Variants in ADGRL3 observed in about 807,000 individuals in gnomAD.
ADGRL3 encodes adhesion G protein-coupled receptor L3.
In ADGRL3, 62 loss-of-function variants were observed where a neutral mutation model predicts 153.5. The observed-to-expected ratio is 0.40, with a 90% confidence interval of 0.33 to 0.50. ADGRL3 has a LOEUF of 0.50. ADGRL3 is among the 20% of genes least tolerant of loss of function. The probability of loss-of-function intolerance (pLI) is 0.47; values close to 1 mark genes in which losing one functional copy is unlikely to be tolerated. For synonymous variants in ADGRL3, 710 were observed against 672.5 expected (o/e 1.06, Z -0.86); for missense variants, 1,641 against 1,859.4 (o/e 0.88, Z 2.16).
At chr4:62,060,852 A>G (rs939446951) in intron 25 of ADGRL3, among the ~76,000 whole-genome samples, 1 of 151,940 alleles carries the variant, frequency 6.6e-6, no homozygotes, top group African/African-American at 2.4e-5. Context: ...CTGCCATTGC[A>G]CTATGTAAGA....
chr4:61,565,355 T>C (rs965043182), intron 4 of ADGRL3, among the ~76,000 whole-genome samples: 5 of 152,202 alleles, frequency 3.3e-5, no homozygotes, highest in African/African-American at 9.7e-5. Context: ...TTTATATTAA[T>C]GTTTTGAAGG....
chr4:61,425,113 A>G (rs2097260355), intron 2 of ADGRL3, among the ~76,000 whole-genome samples: 1 of 152,080 alleles, frequency 6.6e-6, no homozygotes, highest in African/African-American at 2.4e-5. Context: ...GTGGTGATAT[A>G]TGTTATATTT....
intron 1 of ADGRL3, among the ~76,000 whole-genome samples, chr4:61,359,986 G>A (rs2096258592): frequency 6.6e-6 from 1 of 152,126 alleles, no homozygotes; most frequent in Admixed American, 6.5e-5. Context: ...ATTATCTGTA[G>A]TATTAATTTT....
intron 6 of ADGRL3, among the ~76,000 whole-genome samples, chr4:61,700,129 A>G (rs1271916142): frequency 6.6e-6 from 1 of 151,842 alleles, no homozygotes; most frequent in Non-Finnish European, 1.5e-5. Context: ...AAATACACTT[A>G]ACAAATTCAA....
chr4:61,696,927 T>A (rs1036051688), intron 6 of ADGRL3, among the ~76,000 whole-genome samples: 2 of 152,094 alleles, frequency 1.3e-5, no homozygotes, highest in Non-Finnish European at 2.9e-5. Flanking sequence ...TCTGCCAGCC[T>A]CAGCCTCCTA....
Position 61,301,121 on chromosome 4 carries a change from A to G in ADGRL3, c.-239-82003A>G, listed in dbSNP as rs139020377. On this transcript the variant is annotated intron_variant, in intron 1 of 26. Coordinates refer to ENST00000683033, the MANE Select transcript of ADGRL3 (RefSeq NM_001387552.1). ...ATTGCTTAAGAAAGATTTGGAAGTCATTGATAAAGCTGCAGATTATGGTCT... is the reference window on the plus strand; with the variant it reads ...ATTGCTTAAGAAAGATTTGGAAGTCGTTGATAAAGCTGCAGATTATGGTCT... Among the ~76,000 whole-genome samples the G allele has an allele frequency of 8.6e-3, 1,305 of 152,306 alleles. 10 individuals carry two copies. Among genetic ancestry groups the G allele is most frequent in the South Asian group, 0.02 (97 of 4,826 alleles).
chr4:61,367,391 C>G (rs1405661641), intron 1 of ADGRL3, among the ~76,000 whole-genome samples: 3 of 151,848 alleles, frequency 2.0e-5, no homozygotes, highest in Non-Finnish European at 2.9e-5. Context: ...TCCCCACTCC[C>G]CCCACCCCAC....
chr4:61,947,230 A>G (rs2098928719), intron 16 of ADGRL3, 108 bp downstream of exon 16: 1 of 873,464 alleles, frequency 1.1e-6, no homozygotes, highest in Non-Finnish European at 1.7e-6. Context: ...TTGACATATA[A>G]CAGTTCATTA....
At chr4:61,898,836 C>T (rs536994288) in intron 11 of ADGRL3, among the ~76,000 whole-genome samples, 45 of 152,178 alleles carry the variant, frequency 3.0e-4, no homozygotes, top group African/African-American at 1.0e-3. Flanking sequence ...AGGCGGGTCT[C>T]AAACTCCTGA....
At chr4:61,743,552 AT>A (rs1328731445) in intron 8 of ADGRL3, among the ~76,000 whole-genome samples, 1 of 152,196 alleles carries the variant, frequency 6.6e-6, no homozygotes, top group Non-Finnish European at 1.5e-5. Context: ...GAAATAGATT[AT>A]TTTTAAAACA....
intron 6 of ADGRL3, among the ~76,000 whole-genome samples, chr4:61,708,622 A>G (rs2095899368): frequency 6.6e-6 from 1 of 151,980 alleles, no homozygotes; most frequent in African/African-American, 2.4e-5. Context: ...AATGTGTGCT[A>G]TGGGTTTACT....
chr4:61,668,541 A>C (rs1281094315), intron 5 of ADGRL3, among the ~76,000 whole-genome samples: 1 of 152,202 alleles, frequency 6.6e-6, no homozygotes, highest in East Asian at 1.9e-4. Flanking sequence ...GATTCAAATT[A>C]TATTTCTTTA....
intron 5 of ADGRL3, among the ~76,000 whole-genome samples, chr4:61,626,679 A>G (rs2149938178): frequency 6.6e-6 from 1 of 152,258 alleles, no homozygotes; most frequent in African/African-American, 2.4e-5. Flanking sequence ...CTGATGAAAG[A>G]ACCTAGTTTT....
At chr4:61,791,399 A>G (rs1310406883) in intron 8 of ADGRL3, among the ~76,000 whole-genome samples, 2 of 152,230 alleles carry the variant, frequency 1.3e-5, no homozygotes, top group Admixed American at 6.5e-5. Context: ...CTTTGACTCC[A>G]TGTCTCACAT....
At chr4:61,473,209 TTGTGTGTGTGTGTGTGTGTG>T (rs35633555) in intron 2 of ADGRL3, among the ~76,000 whole-genome samples, 1 of 149,120 alleles carries the variant, frequency 6.7e-6, no homozygotes, top group Non-Finnish European at 1.5e-5. Context: ...TTGTATGTGT[TTGTGTGTGTGTGTGTGTGTG>T]TGTGTGTGTG....
intron 24 of ADGRL3, among the ~76,000 whole-genome samples, chr4:62,040,002 A>C (rs1033728799): frequency 4.6e-5 from 7 of 152,170 alleles, no homozygotes; most frequent in African/African-American, 1.7e-4. Flanking sequence ...AAGGCAGTGC[A>C]GCTCAATGGA....
At chr4:61,869,546 C>T (rs1006329518) in intron 9 of ADGRL3, among the ~76,000 whole-genome samples, 1 of 151,640 alleles carries the variant, frequency 6.6e-6, no homozygotes, top group African/African-American at 2.4e-5. Flanking sequence ...TGCAGTGAGC[C>T]GAGATTGCGC....
intron 18 of ADGRL3, among the ~76,000 whole-genome samples, chr4:61,980,122 A>C (rs750151597): frequency 2.6e-5 from 4 of 152,070 alleles, no homozygotes; most frequent in Non-Finnish European, 4.4e-5. Flanking sequence ...AGAGAGGTAC[A>C]CTTGTGACAA....
At chr4:61,585,618 A>G (rs369779866) in intron 4 of ADGRL3, among the ~76,000 whole-genome samples, 2 of 152,068 alleles carry the variant, frequency 1.3e-5, no homozygotes, top group South Asian at 2.1e-4. Flanking sequence ...TTTCTCTATA[A>G]CTGATTCTCT....
Sources: allele counts gnomAD v4.1 joint callset (sites outside exome capture counted in the v4.1 genomes callset), GRCh38; gene constraint gnomAD v4.1.1; transcripts MANE v1.5; gene names NCBI Gene and HGNC (gene_info 2026-07-23, HGNC 2026-07-21).